ATP2A3: variants seen among roughly 807,000 people sequenced by gnomAD.
ATP2A3 encodes sarcoplasmic/endoplasmic reticulum calcium ATPase 3.
In ATP2A3, 61 loss-of-function variants were observed where a neutral mutation model predicts 106.8. The observed-to-expected ratio is 0.57, with a 90% CI of 0.46 to 0.71. ATP2A3 has a LOEUF of 0.71. ATP2A3 is among the 30% of genes least tolerant of loss of function. The pLI, the probability that ATP2A3 is intolerant of heterozygous loss-of-function variation, is 0.00. For missense variants in ATP2A3, 1,201 were observed against 1,423.5 expected (o/e 0.84, Z 2.52); for synonymous variants, 611 against 609.3 (o/e 1.00, Z -0.04).
Position 3,930,520 on chromosome 17 carries a change from G to C in ATP2A3, c.2611-86C>G. On this transcript the variant is annotated intron_variant, in intron 17 of 20. Coordinates refer to ENST00000397041, the MANE Select transcript of ATP2A3 (RefSeq NM_005173.4). This position sits in a 1 kb window ranked among gnomAD's most constrained non-coding sequence, Gnocchi z 5.4. ...AGGAGGGAAGCCTCATCCTGCCCTT[G>C]GCCCACGCCTGGGCACAACCAGCAC... is the stretch of plus-strand genomic sequence containing the variant. The C allele has an allele frequency of 1.3e-6, 2 of 1,581,184 alleles. No individual in the cohort carries two copies. The highest frequency in any genetic ancestry group is 1.7e-6 in the Non-Finnish European group (2 of 1,164,048).
intron 1 of ATP2A3, among the ~76,000 whole-genome samples, chr17:3,954,303 C>G (rs978541591): frequency 1.3e-5 from 2 of 152,052 alleles, no homozygotes; most frequent in Non-Finnish European, 2.9e-5. Context: ...CAGGGCTCCC[C>G]TGGACAGGAC....
chr17:3,959,520 GC>G (rs1009009971), intron 1 of ATP2A3, among the ~76,000 whole-genome samples: 4 of 152,142 alleles, frequency 2.6e-5, no homozygotes, highest in African/African-American at 9.7e-5. Context: ...CCCCTGGGCT[GC>G]CCCCAGGCTC....
Position 3,925,507 on chromosome 17 carries a change from TC to T in ATP2A3, c.2981-67del. ...AGGGCACACATCCAGACAGCTTCCT[TC>T]CAGCCCCTTCCATCCTCCACTTCTC... On this transcript the variant is annotated intron_variant, in intron 20 of 20. Transcript: ENST00000397041. This position sits in a 1 kb window ranked among gnomAD's most constrained non-coding sequence, Gnocchi z 4.2. 6.4e-7 allele frequency: 1 copy of T among 1,550,622 alleles called. No homozygotes were observed. The highest frequency in any genetic ancestry group is 1.2e-5 in the South Asian group (1 of 85,688).
rs1223265686 is a variant in ATP2A3, at chr17:3,927,571, G to T, written c.2980+1092C>A. ...TGCAGGGATGCCTTGGGCCCCCATG[G>T]ATGGGAGTTTCCAGTGTCTCCCCAG... On this transcript the variant is annotated intron_variant, in intron 20 of 20. Coordinates refer to ENST00000397041, the MANE Select transcript of ATP2A3 (RefSeq NM_005173.4). 7.1e-6 allele frequency: 7 copies of T among 985,450 alleles called. No individual in the cohort carries two copies. The East Asian group carries it at 7.9e-4, about 112-fold the overall frequency. The allele number at this position is 985,450 out of a possible 1,614,324, so 61.0% of individuals were successfully genotyped here.
chr17:3,933,641 C>T lies in ATP2A3; in HGVS notation c.2610+1551G>A, dbSNP rs185424266. Among the ~76,000 whole-genome samples, 699 of 151,218 alleles carry T rather than the reference C, an allele frequency of 4.6e-3. 27 individuals are homozygous for T. Among genetic ancestry groups the T allele is most frequent in the African/African-American group, 0.015 (621 of 40,792 alleles). On this transcript the variant is annotated intron_variant, in intron 17 of 20. Coordinates refer to ENST00000397041, the MANE Select transcript of ATP2A3 (RefSeq NM_005173.4). ...GTCCCAGCTAATGGGGAGGCTGAGG[C>T]AGGGGAATCACTTGAACCCGGGAGG...
chr17:3,936,627 C>T lies in ATP2A3; in HGVS notation c.2322-158G>A, dbSNP rs1251435203. On this transcript the variant is annotated intron_variant, in intron 15 of 20. Coordinates refer to ENST00000397041, the MANE Select transcript of ATP2A3 (RefSeq NM_005173.4). This position sits in a 1 kb window ranked among gnomAD's most constrained non-coding sequence, Gnocchi z 5.4. ...AGCTGTGATGTGAAGGGTGTGTGTA[C>T]ACAGCTCTGCCTCGGGCCTGGCCAG... 5.1e-6 allele frequency: 4 copies of T among 781,602 alleles called. No individual in the cohort carries two copies. The highest frequency in any genetic ancestry group is 6.5e-6 in the Non-Finnish European group (3 of 462,292). 48.4% of individuals were successfully genotyped at this position (781,602 alleles called of 1,614,324 possible).
At chr17:3,948,274 A>G (rs959427556) in intron 7 of ATP2A3, among the ~76,000 whole-genome samples, 1 of 152,110 alleles carries the variant, frequency 6.6e-6, no homozygotes, top group East Asian at 1.9e-4. Context: ...AATCCAGAAA[A>G]CCTGAGCCTC....
In ATP2A3 at chr17:3,928,469, A is replaced by C; in HGVS notation, c.2980+194T>G. 1 of 985,352 alleles carries C rather than the reference A, an allele frequency of 1.0e-6. No individual in the cohort carries two copies. The highest frequency in any genetic ancestry group is 2.6e-5 in the East Asian group (1 of 38,298). The allele number at this position is 985,352 out of a possible 1,614,324, so 61.0% of individuals were successfully genotyped here. A position where few individuals can be genotyped will look rare whatever the true frequency, so the allele number is the denominator to read the frequency against. The stretch of plus-strand genomic sequence containing the variant: ...GGCCCAGTGAGCCCAGGTCCCCTGC[A>C]GTGCAAGACCCTGCGGACACCTTGG... On this transcript the variant is annotated intron_variant, in intron 20 of 20. Transcript: ENST00000397041. The surrounding 1 kb of genome is among the most constrained non-coding windows in gnomAD (Gnocchi z 6.1).
Position 3,943,394 on chromosome 17 carries a change from G to A in ATP2A3, c.1416C>T (p.Asn472=). 1.9e-6 allele frequency: 3 copies of A among 1,613,750 alleles called. No homozygotes were observed. The highest frequency in any genetic ancestry group is 2.5e-6 in the Non-Finnish European group (3 of 1,179,948). ...LSRVERAGAC[N]TVIKQLMRKE... ...CTGAGCCCCCAGCCCTGCTCACCGT[G>A]TTACAGGCGCCAGCTCGCTCCACCC... Residue 472 remains asparagine, a synonymous_variant, in exon 11 of 21, where the codon AAC becomes AAT. Coordinates refer to ENST00000397041, the MANE Select transcript of ATP2A3 (RefSeq NM_005173.4).
chr17:3,948,102 C>T (rs1047397109), intron 7 of ATP2A3, among the ~76,000 whole-genome samples: 7 of 152,114 alleles, frequency 4.6e-5, no homozygotes, highest in African/African-American at 1.7e-4. Context: ...TAGCACGGGG[C>T]CGGGCACAGA....
chr17:3,943,238 C>G (rs2053883422), intron 11 of ATP2A3, among the ~76,000 whole-genome samples, 153 bp downstream of exon 11: 1 of 149,780 alleles, frequency 6.7e-6, no homozygotes, highest in Non-Finnish European at 1.5e-5. Flanking sequence ...CACCATTGTA[C>G]TAAAGCCTGG....
intron 12 of ATP2A3, 47 bp downstream of exon 12, chr17:3,942,559 G>A: frequency 6.3e-7 from 1 of 1,597,462 alleles, no homozygotes; most frequent in Non-Finnish European, 8.5e-7. Context: ...GGATGACCAG[G>A]TTCCCCAGGG....
Position 3,943,407 on chromosome 17 carries a change from G to A in ATP2A3, c.1403C>T (p.Ala468Val), listed in dbSNP as rs746023743. 1 of 1,613,940 alleles carries A rather than the reference G, an allele frequency of 6.2e-7. No individual in the cohort carries two copies. Among genetic ancestry groups the A allele is most frequent in the Non-Finnish European group, 8.5e-7 (1 of 1,179,958 alleles). The stretch of plus-strand genomic sequence containing the variant: ...CCTGCTCACCGTGTTACAGGCGCCA[G>A]CTCGCTCCACCCGGGACAGAGCCTG... ...DLQALSRVER[A>V]GACNTVIKQL... Residue 468 changes from alanine (A) to valine (V), a missense_variant, in exon 11 of 21, where the codon GCT (alanine) becomes GTT (valine). Around this residue, in one of 2 missense-constraint regions of ATP2A3, gnomAD observed 935 missense variants for 1,176.7 expected, o/e 0.79. Coordinates refer to ENST00000397041, the MANE Select transcript of ATP2A3 (RefSeq NM_005173.4).
chr17:3,950,953 G>A lies in ATP2A3; in HGVS notation c.464-180C>T, dbSNP rs140440621. ...TCTGTCCAACAGGGTTTTGGCCAAAGGGCTTTGGAGGGATCCGACAGCCAC... is the reference window on the plus strand; with the variant it reads ...TCTGTCCAACAGGGTTTTGGCCAAAAGGCTTTGGAGGGATCCGACAGCCAC... On this transcript the variant is annotated intron_variant, in intron 5 of 20. Transcript: ENST00000397041. Among the ~76,000 whole-genome samples, 1,363 of 152,164 alleles carry A rather than the reference G, an allele frequency of 9.0e-3. 23 individuals are homozygous for A. The highest frequency in any genetic ancestry group is 0.031 in the African/African-American group (1,303 of 41,484).
Position 3,947,280 on chromosome 17 carries a change from C to T in ATP2A3, c.1095+111G>A. On this transcript the variant is annotated intron_variant, in intron 8 of 20. Coordinates refer to ENST00000397041, the MANE Select transcript of ATP2A3 (RefSeq NM_005173.4). The surrounding 1 kb of genome is among the most constrained non-coding windows in gnomAD (Gnocchi z 7.7). ...GACCTGCTCTGGGCCAAGGGACAGCCCACAGATTCTCTCCTCCATCCCTCA... is the reference window on the plus strand; with the variant it reads ...GACCTGCTCTGGGCCAAGGGACAGCTCACAGATTCTCTCCTCCATCCCTCA... The T allele has an allele frequency of 7.5e-7, 1 of 1,333,950 alleles. No homozygotes were observed. The highest frequency in any genetic ancestry group is 1.1e-6 in the Non-Finnish European group (1 of 947,790). The allele number at this position is 1,333,950 out of a possible 1,614,324, so 82.6% of individuals were successfully genotyped here. A position where few individuals can be genotyped will look rare whatever the true frequency, so the allele number is the denominator to read the frequency against.
chr17:3,928,241 C>A lies in ATP2A3; in HGVS notation c.2980+422G>T, dbSNP rs143224362. On this transcript the variant is annotated intron_variant, in intron 20 of 20. Transcript: ENST00000397041. The surrounding 1 kb of genome is among the most constrained non-coding windows in gnomAD (Gnocchi z 6.1). ...CAAGGTGATACCAAAGAGGCCAACCCGGTGTGGTCTGGGGTCCAAGAGGTG... is the reference window on the plus strand; with the variant it reads ...CAAGGTGATACCAAAGAGGCCAACCAGGTGTGGTCTGGGGTCCAAGAGGTG... The A allele has an allele frequency of 2.5e-6, 4 of 1,613,630 alleles. No homozygotes were observed. In the East Asian group the frequency reaches 8.9e-5, roughly 36 times the overall value.
intron 1 of ATP2A3, among the ~76,000 whole-genome samples, chr17:3,963,802 G>A (rs1442142558): frequency 2.0e-5 from 3 of 152,188 alleles, no homozygotes; most frequent in Non-Finnish European, 1.5e-5. Flanking sequence ...GCCCGCCGGT[G>A]TCTGCGCTGC....
chr17:3,929,516 G>C lies in ATP2A3; in HGVS notation c.2745-71C>G. On this transcript the variant is annotated intron_variant, in intron 18 of 20. Transcript: ENST00000397041. This position sits in a 1 kb window ranked among gnomAD's most constrained non-coding sequence, Gnocchi z 4.3. Reference sequence around the variant, plus strand: ...CCCTGCCAGGCACCCACCCCCATGGGAGGAGCCTCACCACTTCTCTAGCGG... The same window carrying C: ...CCCTGCCAGGCACCCACCCCCATGGCAGGAGCCTCACCACTTCTCTAGCGG... The C allele has an allele frequency of 7.6e-7, 1 of 1,317,994 alleles. No homozygotes were observed. 81.6% of individuals were successfully genotyped at this position (1,317,994 alleles called of 1,614,324 possible). A position where few individuals can be genotyped will look rare whatever the true frequency, so the allele number is the denominator to read the frequency against.
intron 6 of ATP2A3, 45 bp from the exon 7 acceptor site, chr17:3,950,641 C>A (rs765095823): frequency 5.0e-6 from 8 of 1,613,746 alleles, no homozygotes; most frequent in Non-Finnish European, 6.8e-6. Flanking sequence ...GAAGACACGC[C>A]CATCCCTTAG....
Sources: gnomAD v4.1 joint callset for allele counts (sites outside exome capture counted in the v4.1 genomes callset) on GRCh38, gnomAD v4.1.1 for gene constraint, gnomAD v4.1.1 regional missense constraint, Gnocchi (gnomAD v3.1) non-coding constraint, MANE v1.5 for transcripts, NCBI Gene and HGNC (gene_info 2026-07-23, HGNC 2026-07-21) for gene names.